ERBIN: variants seen among roughly 807,000 people sequenced by gnomAD.
The protein encoded by ERBIN is erbb2 interacting protein, also known as densin-180-like protein.
Under a neutral mutation model 158.4 loss-of-function variants are expected in ERBIN, and 60 were observed. That is an observed-to-expected ratio of 0.38 (90% CI 0.31 to 0.47). The LOEUF (loss-of-function observed/expected upper bound fraction) is 0.47, where lower values mean the gene tolerates loss of function less well. ERBIN is among the 20% of genes least tolerant of loss of function. ERBIN has a pLI of 0.99. For missense variants in ERBIN, 1,610 were observed against 1,648.0 expected (o/e 0.98, Z 0.40); for synonymous variants, 594 against 557.2 (o/e 1.07, Z -0.93).
intron 1 of ERBIN, among the ~76,000 whole-genome samples, chr5:65,965,368 A>G: frequency 8.4e-6 from 1 of 119,698 alleles, no homozygotes; most frequent in African/African-American, 3.2e-5. Context: ...TTCTTACCAG[A>G]TTTGTTTTTT....
intron 21 of ERBIN, among the ~76,000 whole-genome samples, chr5:66,058,883 C>G (rs1273545503): frequency 6.6e-6 from 1 of 152,076 alleles, no homozygotes; most frequent in African/African-American, 2.4e-5. Context: ...CTGTTCTGTT[C>G]CATTGGTCTA....
Position 66,018,510 on chromosome 5 carries a change from ATAT to A in ERBIN, c.534-2808_534-2806del, listed in dbSNP as rs1755159266. ...TATTATATTATATAATATATATTAT[ATAT>A]TATATAATATATATTATATTATATA... On this transcript the variant is annotated intron_variant, in intron 7 of 25. Transcript: ENST00000284037. 1.6e-4 allele frequency among the ~76,000 whole-genome samples: 2 copies of A among 12,888 alleles called. 1 individual carries two copies. The highest frequency in any genetic ancestry group is 3.6e-3 in the South Asian group (2 of 550). 8.5% of individuals were successfully genotyped at this position (12,888 alleles called of 152,430 possible). A position where few individuals can be genotyped will look rare whatever the true frequency, so the allele number is the denominator to read the frequency against.
chr5:66,075,369 T>G, intron 23 of ERBIN, 139 bp downstream of exon 23: 1 of 732,462 alleles, frequency 1.4e-6, no homozygotes, highest in East Asian at 2.7e-5. Flanking sequence ...GTTACGTTTA[T>G]AAGGCGTTAA....
chr5:65,993,470 A>G (rs1580282054), intron 3 of ERBIN, among the ~76,000 whole-genome samples: 1 of 152,160 alleles, frequency 6.6e-6, no homozygotes, highest in East Asian at 1.9e-4. Flanking sequence ...TTCTCAAGTT[A>G]TCACCTTGTT....
At chr5:66,060,777 T>C (rs1364777750) in intron 21 of ERBIN, among the ~76,000 whole-genome samples, 5 of 151,142 alleles carry the variant, frequency 3.3e-5, no homozygotes, top group East Asian at 2.0e-4. Context: ...ATCTTTTTTT[T>C]CTACCTTCAT....
At chr5:66,019,306 T>G (rs182366886) in intron 7 of ERBIN, among the ~76,000 whole-genome samples, 5 of 152,330 alleles carry the variant, frequency 3.3e-5, no homozygotes, top group African/African-American at 1.2e-4. Context: ...TATCAAAGAT[T>G]AGAGCAATGG....
In ERBIN at chr5:65,951,129, C is replaced by G. The variant is rs577461460; in HGVS notation, c.-58+24323C>G. Among the ~76,000 whole-genome samples the G allele has an allele frequency of 1.3e-3, 200 of 152,052 alleles. 1 individual carries two copies. In the Middle Eastern group the frequency reaches 0.034, roughly 26 times the overall value. ...CGCCGGTGGAAGCCCTCAGTTTAACCCCATTAGTGAATTTTTCAAGTGAAC... is the reference window on the plus strand; with the variant it reads ...CGCCGGTGGAAGCCCTCAGTTTAACGCCATTAGTGAATTTTTCAAGTGAAC... On this transcript the variant is annotated intron_variant, in intron 1 of 25. Transcript: ENST00000284037.
In ERBIN at chr5:65,994,850, A is replaced by G; in HGVS notation, c.293A>G (p.Asp98Gly). ...IANLINLREL[D>G]VSKNGIQEFP... is the part of the protein sequence containing the mutation. ...AACCTTATTAATCTCAGGGAACTGG[A>G]TGTCAGCAAGAATGGTAAGGCTTTT... The change falls in exon 4 of 26, where the codon GAT becomes GGT. Residue 98 changes from aspartate (D) to glycine (G), a missense_variant. Physicochemically the swap from Asp to Gly is moderately conservative, Grantham distance 94. Coordinates refer to ENST00000284037, the MANE Select transcript of ERBIN (RefSeq NM_001253697.2). 6.2e-7 allele frequency: 1 copy of G among 1,600,944 alleles called. No individual in the cohort carries two copies. Among genetic ancestry groups the G allele is most frequent in the Non-Finnish European group, 8.5e-7 (1 of 1,175,008 alleles).
chr5:66,041,013 A>T (rs144125686), intron 15 of ERBIN, among the ~76,000 whole-genome samples: 19 of 152,056 alleles, frequency 1.2e-4, no homozygotes, highest in African/African-American at 4.6e-4. Flanking sequence ...AAAGCAGGAT[A>T]TTAGTGGAAA....
At chr5:65,948,953 G>A (rs1359793185) in intron 1 of ERBIN, among the ~76,000 whole-genome samples, 1 of 151,626 alleles carries the variant, frequency 6.6e-6, no homozygotes, top group Non-Finnish European at 1.5e-5. Flanking sequence ...TGGTAGAGAC[G>A]GGGTTTCACC....
At position 66,053,990 on chromosome 5, in the gene ERBIN, G is replaced by A. The variant is rs1162404661; in HGVS notation, c.2672G>A (p.Gly891Glu). The A allele has an allele frequency of 1.2e-6, 2 of 1,614,076 alleles. No individual in the cohort carries two copies. The highest frequency in any genetic ancestry group is 1.7e-6 in the Non-Finnish European group (2 of 1,180,012). Reference sequence around the variant, plus strand: ...ATCTATGATATTCTTAGTGATAATGGACCTCAGCAGCCAAGTACAACCGTT... The same window carrying A: ...ATCTATGATATTCTTAGTGATAATGAACCTCAGCAGCCAAGTACAACCGTT... ...LKIYDILSDN[G>E]PQQPSTTVKI... is the part of the protein sequence containing the mutation. Residue 891 changes from glycine (G) to glutamate (E), a missense_variant, in exon 21 of 26, where the codon GGA (glycine) becomes GAA (glutamate). By Grantham distance (98) the Gly-to-Glu change is moderately conservative. Around this residue, in one of 2 missense-constraint regions of ERBIN, gnomAD observed 1,014 missense variants for 936.1 expected, o/e 1.08. Transcript: ENST00000284037.
chr5:66,043,310 G>T, intron 16 of ERBIN, 112 bp downstream of exon 16: 1 of 1,077,248 alleles, frequency 9.3e-7, no homozygotes, highest in African/African-American at 1.6e-5. Flanking sequence ...TTTATTCCTT[G>T]TCCTCAAGGC....
At chr5:66,011,984 T>C (rs1286779221) in intron 4 of ERBIN, 65 bp from the exon 5 acceptor site, 1 of 1,002,682 alleles carries the variant, frequency 1.0e-6, no homozygotes, top group Non-Finnish European at 1.5e-6. Context: ...GCATATATTA[T>C]TGTTACTGTT....
intron 21 of ERBIN, among the ~76,000 whole-genome samples, chr5:66,062,668 G>T (rs1760539671): frequency 6.6e-6 from 1 of 152,098 alleles, no homozygotes; most frequent in Non-Finnish European, 1.5e-5. Flanking sequence ...CATCTTTGTG[G>T]TTTTATCTAC....
intron 2 of ERBIN, among the ~76,000 whole-genome samples, 168 bp downstream of exon 2, chr5:65,988,850 G>A (rs1751549231): frequency 6.6e-6 from 1 of 151,838 alleles, no homozygotes; most frequent in South Asian, 2.1e-4. Context: ...GCCAGGCATG[G>A]TGGCTGGTGG....
chr5:66,006,183 A>G (rs575335453), intron 4 of ERBIN, among the ~76,000 whole-genome samples: 1 of 152,348 alleles, frequency 6.6e-6, no homozygotes, highest in Admixed American at 6.5e-5. Context: ...TAGTACTGAT[A>G]CCAAAACAGA....
At chr5:66,042,919 G>A (rs768839174) in intron 15 of ERBIN, among the ~76,000 whole-genome samples, 158 bp from the exon 16 acceptor site, 10 of 152,088 alleles carry the variant, frequency 6.6e-5, no homozygotes, top group South Asian at 4.1e-4. Context: ...ATAAAGAATC[G>A]GCCAACGCAT....
chr5:65,953,205 A>C (rs955713693), intron 1 of ERBIN, among the ~76,000 whole-genome samples: 1 of 152,226 alleles, frequency 6.6e-6, no homozygotes, highest in African/African-American at 2.4e-5. Flanking sequence ...CATCCTCTGC[A>C]TACAGTTGAC....
In ERBIN at chr5:65,931,090, T is replaced by C. The variant is rs573866494; in HGVS notation, c.-58+4284T>C. On this transcript the variant is annotated intron_variant, in intron 1 of 25. Coordinates refer to ENST00000284037, the MANE Select transcript of ERBIN (RefSeq NM_001253697.2). ...AATTCACTTAATAAGACTCTACTTA[T>C]CTGGAGGTTATTTATTATAGCTTTA... Among the ~76,000 whole-genome samples, 9 of 152,334 alleles carry C rather than the reference T, an allele frequency of 5.9e-5. No individual in the cohort carries two copies. The South Asian group carries it at 1.4e-3, about 25-fold the overall frequency.
Sources: allele counts gnomAD v4.1 joint callset (sites outside exome capture counted in the v4.1 genomes callset), GRCh38; gene constraint gnomAD v4.1.1; regional missense constraint gnomAD v4.1.1; transcripts MANE v1.5; gene names NCBI Gene and HGNC (gene_info 2026-07-23, HGNC 2026-07-21).